Variants in NRXN1 observed in about 807,000 individuals in gnomAD.
NRXN1 encodes neurexin-1.
A neutral mutation model predicts 150.9 loss-of-function variants in NRXN1; 39 were observed. The observed-to-expected ratio is 0.26, with a 90% CI of 0.20 to 0.34. NRXN1 has a LOEUF of 0.34. Among genes scored for constraint, NRXN1 ranks in the 10% least tolerant of loss-of-function variants. The pLI is 1.00. For missense variants in NRXN1, 1,815 were observed against 1,949.9 expected (o/e 0.93, Z 1.30); for synonymous variants, 924 against 757.0 (o/e 1.22, Z -3.62).
intron 5 of NRXN1, among the ~76,000 whole-genome samples, 183 bp downstream of exon 5, chr2:50,921,686 G>T (rs1425462940): frequency 6.6e-6 from 1 of 151,540 alleles, no homozygotes; most frequent in Non-Finnish European, 1.5e-5. Flanking sequence ...AAAAAGGGTG[G>T]GGGCGAAAAT....
chr2:50,616,827 A>C (rs966110189), intron 8 of NRXN1, among the ~76,000 whole-genome samples: 1 of 152,216 alleles, frequency 6.6e-6, no homozygotes, highest in Non-Finnish European at 1.5e-5. Flanking sequence ...CTAGACTGAA[A>C]ATAAAAATGC....
At chr2:50,103,866 C>CAAAT (rs1483638783) in intron 18 of NRXN1, among the ~76,000 whole-genome samples, 2 of 2,096 alleles carry the variant, frequency 9.5e-4, no homozygotes, top group East Asian at 5.6e-3. Context: ...AGCCATTGAC[C>CAAAT]AAACAAACAA....
intron 3 of NRXN1, among the ~76,000 whole-genome samples, chr2:50,924,136 A>C (rs1177492611): frequency 6.7e-6 from 1 of 149,592 alleles, no homozygotes; most frequent in Non-Finnish European, 1.5e-5. Flanking sequence ...ACATTTTATA[A>C]GTTTTATGGA....
chr2:50,487,719 G>T (rs1187552428), intron 15 of NRXN1, among the ~76,000 whole-genome samples: 1 of 152,172 alleles, frequency 6.6e-6, no homozygotes, highest in African/African-American at 2.4e-5. Flanking sequence ...AATCCAACTA[G>T]ATGAGACAAT....
chr2:51,019,568 TGA>T (rs1357260749), intron 2 of NRXN1, among the ~76,000 whole-genome samples: 1 of 152,084 alleles, frequency 6.6e-6, no homozygotes, highest in African/African-American at 2.4e-5. Flanking sequence ...GAAAATACTA[TGA>T]GAGTTATGGT....
At chr2:50,626,875 A>G (rs1681188768) in intron 5 of NRXN1, among the ~76,000 whole-genome samples, 1 of 151,920 alleles carries the variant, frequency 6.6e-6, no homozygotes, top group Non-Finnish European at 1.5e-5. Flanking sequence ...GAATATGCCA[A>G]GCACCTCAGC....
chr2:50,637,115 C>G (rs1006218629), intron 5 of NRXN1, among the ~76,000 whole-genome samples: 1 of 152,072 alleles, frequency 6.6e-6, no homozygotes, highest in Non-Finnish European at 1.5e-5. Context: ...GTAGCTGAGT[C>G]TGACTTTATT....
At chr2:50,488,933 C>T (rs555706074) in intron 15 of NRXN1, among the ~76,000 whole-genome samples, 9 of 152,168 alleles carry the variant, frequency 5.9e-5, no homozygotes, top group East Asian at 1.9e-4. Context: ...CTCTGGATGA[C>T]GATGAGGTCT....
intron 21 of NRXN1, among the ~76,000 whole-genome samples, chr2:50,008,606 A>G (rs889268844): frequency 2.6e-5 from 4 of 151,864 alleles, no homozygotes; most frequent in Admixed American, 6.6e-5. Context: ...AGTCCAGAAT[A>G]TGACTCTGAA....
chr2:50,427,355 T>C (rs1475605894), intron 17 of NRXN1, among the ~76,000 whole-genome samples: 1 of 142,300 alleles, frequency 7.0e-6, no homozygotes, highest in Non-Finnish European at 1.5e-5. Context: ...ATGCAACATA[T>C]ATTCTGCCAA....
chr2:50,836,899 T>C lies in NRXN1; in HGVS notation c.832+84970A>G, dbSNP rs181187780. Among the ~76,000 whole-genome samples the C allele has an allele frequency of 5.7e-4, 83 of 145,332 alleles. 1 individual carries two copies. The highest frequency in any genetic ancestry group is 1.9e-3 in the African/African-American group (75 of 39,718). On this transcript the variant is annotated intron_variant, in intron 5 of 22. Transcript: ENST00000401669. ...CTGTGGCAGCATCAATAGAAACCAA[T>C]TGGTTTGTGTAAATTAAAAAAAAAA...
chr2:50,945,344 A>G (rs1253924666), intron 2 of NRXN1, among the ~76,000 whole-genome samples: 1 of 152,022 alleles, frequency 6.6e-6, no homozygotes, highest in Non-Finnish European at 1.5e-5. Flanking sequence ...CACATCTTTG[A>G]TCTCAGCTAC....
intron 21 of NRXN1, among the ~76,000 whole-genome samples, chr2:49,963,297 T>G (rs566400049): frequency 1.1e-3 from 160 of 152,268 alleles, no homozygotes; most frequent in African/African-American, 3.7e-3. Flanking sequence ...GGCTTCAAAA[T>G]TTGTCTTTCA....
intron 5 of NRXN1, among the ~76,000 whole-genome samples, chr2:50,827,023 T>C (rs954479252): frequency 2.0e-5 from 3 of 152,148 alleles, no homozygotes; most frequent in Admixed American, 1.3e-4. Context: ...CATAGCATCA[T>C]GATGCCACAG....
At chr2:50,132,321 T>G (rs1355001069) in intron 18 of NRXN1, among the ~76,000 whole-genome samples, 1 of 151,592 alleles carries the variant, frequency 6.6e-6, no homozygotes, top group African/African-American at 2.4e-5. Flanking sequence ...TTTTTTTTTT[T>G]TTAAGATGGA....
intron 17 of NRXN1, among the ~76,000 whole-genome samples, chr2:50,379,739 C>G (rs1436351102): frequency 1.3e-5 from 2 of 152,058 alleles, no homozygotes; most frequent in Non-Finnish European, 2.9e-5. Flanking sequence ...AGGAAATCTC[C>G]ACAAACAGTG....
intron 5 of NRXN1, among the ~76,000 whole-genome samples, chr2:50,815,515 G>C (rs1268124538): frequency 6.6e-6 from 1 of 151,850 alleles, no homozygotes; most frequent in African/African-American, 2.4e-5. Context: ...AGAACCCATG[G>C]TATTTTTTTA....
intron 2 of NRXN1, among the ~76,000 whole-genome samples, chr2:51,003,873 C>T (rs1700368200): frequency 6.6e-6 from 1 of 151,928 alleles, no homozygotes; most frequent in South Asian, 2.1e-4. Flanking sequence ...GTTGCCCTGG[C>T]TGATACTGAT....
In NRXN1 at chr2:50,419,680, C is replaced by T. The variant is rs564441060; in HGVS notation, c.3364+45762G>A. Among the ~76,000 whole-genome samples, 4 of 151,918 alleles carry T rather than the reference C, an allele frequency of 2.6e-5. No individual in the cohort carries two copies. In the East Asian group the frequency reaches 7.7e-4, roughly 29 times the overall value. On this transcript the variant is annotated intron_variant, in intron 17 of 22. Transcript: ENST00000401669. ...TGTATCTTACAAATTTGCATACATACAATAGTTTGAGTAAATTGGAAATAC... is the reference window on the plus strand; with the variant it reads ...TGTATCTTACAAATTTGCATACATATAATAGTTTGAGTAAATTGGAAATAC...
Sources: gnomAD v4.1 joint callset for allele counts (sites outside exome capture counted in the v4.1 genomes callset) on GRCh38, gnomAD v4.1.1 for gene constraint, MANE v1.5 for transcripts, NCBI Gene and HGNC (gene_info 2026-07-23, HGNC 2026-07-21) for gene names.